AFF2: variants seen among roughly 807,000 people sequenced by gnomAD.
The protein encoded by AFF2 is AF4/FMR2 family member 2.
AFF2 carries 14 observed loss-of-function variants against 76.9 expected under a neutral mutation model. That is an observed-to-expected ratio of 0.18 (90% CI 0.12 to 0.28). The LOEUF (loss-of-function observed/expected upper bound fraction) is 0.28. Among genes scored for constraint, AFF2 ranks in the 10% least tolerant of loss-of-function variants. The probability of loss-of-function intolerance (pLI) is 1.00; values close to 1 mark genes in which losing one functional copy is unlikely to be tolerated. For missense variants in AFF2, 868 were observed against 1,001.1 expected (o/e 0.87, Z 1.79); for synonymous variants, 398 against 366.7 (o/e 1.09, Z -0.98).
At chrX:148,726,583 G>A (rs1557264266) in intron 3 of AFF2, among the ~76,000 whole-genome samples, 1 of 111,694 alleles carries the variant, frequency 9.0e-6, no homozygotes, top group African/African-American at 3.3e-5. Context: ...ATCACTATCA[G>A]TATGACCCCA....
intron 7 of AFF2, among the ~76,000 whole-genome samples, chrX:148,865,538 G>A (rs1369074859): frequency 2.7e-5 from 3 of 111,848 alleles, no homozygotes; most frequent in African/African-American, 6.5e-5. Context: ...TGATGGAGGC[G>A]CTTTTATGGA....
At chrX:148,517,800 G>A (rs895274725) in intron 1 of AFF2, among the ~76,000 whole-genome samples, 16 of 109,616 alleles carry the variant, frequency 1.5e-4, no homozygotes, top group South Asian at 4.0e-4. Context: ...GGCGGATCAC[G>A]AGGTCAGGAG....
intron 1 of AFF2, among the ~76,000 whole-genome samples, chrX:148,521,373 T>TGCAC (rs1557234458): frequency 8.9e-5 from 5 of 56,075 alleles, no homozygotes; most frequent in African/African-American, 3.4e-4. Flanking sequence ...AGCACGTGCA[T>TGCAC]GCACACACAC....
At chrX:148,727,674 A>T (rs2055176098) in intron 3 of AFF2, among the ~76,000 whole-genome samples, 1 of 112,008 alleles carries the variant, frequency 8.9e-6, no homozygotes, top group Non-Finnish European at 1.9e-5. Context: ...GTAGCAATGT[A>T]TAGAATTAAA....
intron 2 of AFF2, among the ~76,000 whole-genome samples, chrX:148,653,933 T>C (rs2054227252): frequency 9.0e-6 from 1 of 111,553 alleles, no homozygotes; most frequent in Non-Finnish European, 1.9e-5. Context: ...GAGAGAGCTA[T>C]CCAGAAGGCT....
rs1378870789 is a variant in AFF2 at position 148,529,133 on chromosome X, T to A, written c.47+27989T>A. 4.5e-5 allele frequency among the ~76,000 whole-genome samples: 5 copies of A among 112,238 alleles called. No homozygotes were observed. The East Asian group carries it at 1.4e-3, about 31-fold the overall frequency. On this transcript the variant is annotated intron_variant, in intron 1 of 20. Coordinates refer to ENST00000370460, the MANE Select transcript of AFF2 (RefSeq NM_002025.4). ...ACAAGCCAGTAAAAATAAGCCCATC[T>A]GTTTTCTACTCCAAGGGTGCTAATG...
intron 3 of AFF2, among the ~76,000 whole-genome samples, chrX:148,793,628 A>G (rs1278614123): frequency 9.0e-6 from 1 of 111,686 alleles, no homozygotes; most frequent in African/African-American, 3.3e-5. Context: ...AACCAAATGG[A>G]ATCATGAAGT....
At chrX:148,517,041 T>C (rs918410357) in intron 1 of AFF2, among the ~76,000 whole-genome samples, 2 of 112,130 alleles carry the variant, frequency 1.8e-5, no homozygotes, top group Admixed American at 9.5e-5. Flanking sequence ...AGGCATTCAT[T>C]CATTCGTTCA....
chrX:148,537,201 C>G (rs1003403839), intron 1 of AFF2, among the ~76,000 whole-genome samples: 6 of 112,086 alleles, frequency 5.4e-5, no homozygotes, highest in Non-Finnish European at 9.4e-5. Context: ...TTTGGGGACC[C>G]TCCCCAGGAG....
chrX:148,918,058 T>G (rs1265579778), intron 9 of AFF2, among the ~76,000 whole-genome samples: 1 of 111,880 alleles, frequency 8.9e-6, no homozygotes, highest in Non-Finnish European at 1.9e-5. Flanking sequence ...CACCACTAGA[T>G]GAAGAACATA....
intron 12 of AFF2, among the ~76,000 whole-genome samples, chrX:148,962,061 A>G (rs2072115378): frequency 8.9e-6 from 1 of 112,724 alleles, no homozygotes; most frequent in Admixed American, 9.4e-5. Flanking sequence ...GAATATGACA[A>G]AATAACATTT....
At chrX:148,711,948 T>C (rs2054972103) in intron 3 of AFF2, among the ~76,000 whole-genome samples, 1 of 111,831 alleles carries the variant, frequency 8.9e-6, no homozygotes, top group Non-Finnish European at 1.9e-5. Context: ...CTTCCCTCAC[T>C]CACTCCCTGC....
chrX:148,549,223 C>A (rs183996996), intron 1 of AFF2, among the ~76,000 whole-genome samples: 1 of 111,937 alleles, frequency 8.9e-6, no homozygotes, highest in Non-Finnish European at 1.9e-5. Flanking sequence ...ACTGAAAAAG[C>A]GAATGAGCCT....
intron 1 of AFF2, among the ~76,000 whole-genome samples, chrX:148,561,851 A>C (rs1211115434): frequency 9.0e-6 from 1 of 111,358 alleles, no homozygotes; most frequent in Non-Finnish European, 1.9e-5. Context: ...TGGTTCAACC[A>C]AGGGGAAATA....
chrX:148,560,836 T>G (rs1557240485), intron 1 of AFF2, among the ~76,000 whole-genome samples: 3 of 110,187 alleles, frequency 2.7e-5, no homozygotes, highest in African/African-American at 9.9e-5. Context: ...AGTTTTTTTC[T>G]GGGGGGGGCA....
chrX:148,634,488 C>T (rs369217856), intron 1 of AFF2, among the ~76,000 whole-genome samples: 5 of 111,568 alleles, frequency 4.5e-5, no homozygotes, highest in African/African-American at 9.8e-5. Flanking sequence ...GACTCTTAAG[C>T]TACTTGCATA....
intron 9 of AFF2, among the ~76,000 whole-genome samples, chrX:148,911,708 C>T (rs16994807): frequency 0.013 from 1,411 of 112,142 alleles, 25 homozygotes; most frequent in African/African-American, 0.043. Flanking sequence ...AATAAAGTGG[C>T]TTCATTCCAT....
At chrX:148,878,160 T>C (rs2071056009) in intron 7 of AFF2, among the ~76,000 whole-genome samples, 1 of 111,788 alleles carries the variant, frequency 8.9e-6, no homozygotes, top group Non-Finnish European at 1.9e-5. Context: ...TTCTGCCTGA[T>C]AGAGAAAGTC....
At chrX:148,765,080 A>G (rs5980589) in intron 3 of AFF2, among the ~76,000 whole-genome samples, 2,689 of 111,160 alleles carry the variant, frequency 0.024, 89 homozygotes, top group African/African-American at 0.084. Context: ...GGCTTTCGCT[A>G]TAGAGTTGTT....
Sources: gnomAD v4.1 joint callset for allele counts (sites outside exome capture counted in the v4.1 genomes callset) on GRCh38, gnomAD v4.1.1 for gene constraint, MANE v1.5 for transcripts, NCBI Gene and HGNC (gene_info 2026-07-23, HGNC 2026-07-21) for gene names.